ACSF3: variants seen among roughly 807,000 people sequenced by gnomAD.
ACSF3 encodes the protein acyl-CoA synthetase family member 3, also known as malonate--CoA ligase ACSF3, mitochondrial.
Under a neutral mutation model 53.2 loss-of-function variants are expected in ACSF3, and 78 were observed. That is an observed-to-expected ratio of 1.47 (90% CI 1.22 to 1.77). ACSF3 has a LOEUF of 1.77. Among genes scored for constraint, ACSF3 ranks in the 40% most tolerant of loss-of-function variants. The pLI is 0.00. For missense variants in ACSF3, 937 were observed against 771.1 expected (o/e 1.22, Z -2.55); for synonymous variants, 414 against 333.1 (o/e 1.24, Z -2.65).
rs751605042 is a variant in ACSF3 at position 89,154,329 on chromosome 16, G to A, written c.*122G>A. The A allele has an allele frequency of 2.1e-5, 19 of 906,140 alleles. No individual in the cohort carries two copies. The highest frequency in any genetic ancestry group is 3.0e-5 in the Non-Finnish European group (17 of 568,566). The allele number at this position is 906,140 out of a possible 1,614,324, so 56.1% of individuals were successfully genotyped here. ...ACCTGAACCCCCCAAATCAGGTCAC[G>A]TAGAATCAAGAACTGTTTGGGATGA... is the stretch of plus-strand genomic sequence containing the variant. On this transcript the variant is annotated 3_prime_UTR_variant, in exon 11 of 11. Transcript: ENST00000614302.
At position 89,118,464 on chromosome 16, in the gene ACSF3, C is replaced by T. The variant is rs555357663; in HGVS notation, c.1127-2337C>T. On this transcript the variant is annotated intron_variant, in intron 6 of 10. Coordinates refer to ENST00000614302, the MANE Select transcript of ACSF3 (RefSeq NM_001243279.3). ...TTCCTCACTCTCAGGCTCTAACCCC[C>T]ACCCTGGTGGCCATGGCCTTGACCC... 3.9e-5 allele frequency among the ~76,000 whole-genome samples: 6 copies of T among 152,260 alleles called. No individual in the cohort carries two copies. In the South Asian group the frequency reaches 1.0e-3, roughly 26 times the overall value.
At chr16:89,146,385 A>G (rs1052905788) in intron 10 of ACSF3, among the ~76,000 whole-genome samples, 2 of 152,102 alleles carry the variant, frequency 1.3e-5, no homozygotes, top group African/African-American at 4.8e-5. Context: ...CAGGAGGTGC[A>G]TGGAGCTGAG....
intron 7 of ACSF3, among the ~76,000 whole-genome samples, chr16:89,132,768 C>T (rs560586236): frequency 5.3e-5 from 8 of 152,298 alleles, no homozygotes; most frequent in South Asian, 2.1e-4. Context: ...AGGTTTTAGA[C>T]GTGGACAGGC....
chr16:89,102,382 G>T, intron 3 of ACSF3: 1 of 614,496 alleles, frequency 1.6e-6, no homozygotes, highest in Non-Finnish European at 2.9e-6. Flanking sequence ...TGTGTGTGGC[G>T]CTGTCCTCTG....
At chr16:89,137,593 G>C (rs13335739) in intron 8 of ACSF3, among the ~76,000 whole-genome samples, 1,184 of 108,482 alleles carry the variant, frequency 0.011, no homozygotes, top group African/African-American at 0.018. Flanking sequence ...TCGTGGGGAA[G>C]GATTGAGGGG....
chr16:89,134,075 T>G (rs2151524068), intron 8 of ACSF3, among the ~76,000 whole-genome samples: 1 of 152,338 alleles, frequency 6.6e-6, no homozygotes, highest in African/African-American at 2.4e-5. Context: ...ATAGTGGACG[T>G]ATATGGATGG....
chr16:89,107,412 G>A (rs547139604), intron 4 of ACSF3, among the ~76,000 whole-genome samples: 4 of 151,702 alleles, frequency 2.6e-5, no homozygotes, highest in African/African-American at 9.7e-5. Context: ...TCCCCACCTC[G>A]GCACCATCCT....
Position 89,154,255 on chromosome 16 carries a change from C to T in ACSF3, c.*48C>T. ...TCTGGTGGGGAGCAGCAGACGTCCC[C>T]TTCACACCGAGAACCACGGGGGCCC... On this transcript the variant is annotated 3_prime_UTR_variant, in exon 11 of 11. Coordinates refer to ENST00000614302, the MANE Select transcript of ACSF3 (RefSeq NM_001243279.3). The T allele has an allele frequency of 6.3e-7, 1 of 1,580,240 alleles. No homozygotes were observed. The highest frequency in any genetic ancestry group is 8.7e-7 in the Non-Finnish European group (1 of 1,155,832).
intron 7 of ACSF3, chr16:89,122,267 C>T (rs908237320): frequency 9.3e-5 from 24 of 258,384 alleles, no homozygotes; most frequent in Admixed American, 2.7e-4. Context: ...CTGGGCCCCC[C>T]GCAGTGGGCT....
At chr16:89,145,115 C>T in intron 8 of ACSF3, 152 bp from the exon 9 acceptor site, 1 of 1,587,378 alleles carries the variant, frequency 6.3e-7, no homozygotes. Context: ...AGCTGTTTCT[C>T]CGTTGGGGTT....
At chr16:89,136,684 AG>A (rs1228520271) in intron 8 of ACSF3, 1 of 1,287,050 alleles carries the variant, frequency 7.8e-7, no homozygotes, top group South Asian at 1.2e-5. Context: ...ATGAGAGGAG[AG>A]GTTGCCAGCT....
At chr16:89,138,508 C>T (rs1415335157) in intron 8 of ACSF3, among the ~76,000 whole-genome samples, 4 of 152,356 alleles carry the variant, frequency 2.6e-5, no homozygotes, top group South Asian at 2.1e-4. Flanking sequence ...GAGCCGATCG[C>T]GGGGATGACA....
intron 8 of ACSF3, among the ~76,000 whole-genome samples, chr16:89,134,795 C>G (rs1464869263): frequency 2.0e-5 from 3 of 152,212 alleles, no homozygotes; most frequent in Non-Finnish European, 4.4e-5. Flanking sequence ...TTGCAAGCCC[C>G]CTGCTTAAAG....
chr16:89,123,516 T>C (rs1227568152), intron 7 of ACSF3, among the ~76,000 whole-genome samples: 1 of 152,174 alleles, frequency 6.6e-6, no homozygotes, highest in African/African-American at 2.4e-5. Context: ...ACAGCTGGGC[T>C]GTCCGATCCA....
At chr16:89,152,377 G>A (rs976197590) in intron 10 of ACSF3, 1 of 152,336 alleles carries the variant, frequency 6.6e-6, no homozygotes, top group Non-Finnish European at 1.5e-5. Context: ...GGAGGCCGAG[G>A]TGGGCAGATC....
rs771704373 is a variant in ACSF3, at chr16:89,133,234, A to G, written c.1338A>G (p.Ala446=). The change falls in exon 8 of 11, where the codon GCA becomes GCG. Residue 446 remains alanine, a synonymous_variant. Transcript: ENST00000614302. ...YWNKPEETKS[A]FTLDGWFKTG... ...ATAAACCAGAAGAAACTAAGAGTGC[A>G]TTCACCCTGGATGGCTGGTTTAAGA... 6.2e-7 allele frequency: 1 copy of G among 1,614,124 alleles called. No homozygotes were observed. The highest frequency in any genetic ancestry group is 1.1e-5 in the South Asian group (1 of 91,090).
intron 10 of ACSF3, chr16:89,152,619 A>G (rs1914232884): frequency 6.6e-6 from 1 of 152,164 alleles, no homozygotes; most frequent in African/African-American, 2.4e-5. Flanking sequence ...AAAGAAAAAA[A>G]AATCTACACA....
At chr16:89,147,524 C>A (rs111243088) in intron 10 of ACSF3, 680 of 2,792 alleles carry the variant, frequency 0.24, 173 homozygotes, top group East Asian at 0.53. Flanking sequence ...ACAGAGTGAG[C>A]GGGGGGGGGG....
chr16:89,098,754 C>G lies in ACSF3; in HGVS notation c.-30C>G, dbSNP rs548417953. On this transcript the variant is annotated 5_prime_UTR_variant, in exon 2 of 11. Transcript: ENST00000614302. Reference sequence around the variant, plus strand: ...TTCCCCTTACCTCCTCTCTCTGGCTCGGGAGCTGGGTGAGTTTGAACTTGG... The same window carrying G: ...TTCCCCTTACCTCCTCTCTCTGGCTGGGGAGCTGGGTGAGTTTGAACTTGG... The G allele has an allele frequency of 1.1e-5, 5 of 454,150 alleles. No homozygotes were observed. Among genetic ancestry groups the G allele is most frequent in the Middle Eastern group, 6.9e-4 (1 of 1,444 alleles). The allele number at this position is 454,150 out of a possible 1,614,324, so 28.1% of individuals were successfully genotyped here.
Sources: gnomAD v4.1 joint callset for allele counts (sites outside exome capture counted in the v4.1 genomes callset) on GRCh38, gnomAD v4.1.1 for gene constraint, MANE v1.5 for transcripts, NCBI Gene and HGNC (gene_info 2026-07-23, HGNC 2026-07-21) for gene names.